VWA8: variants seen among roughly 807,000 people sequenced by gnomAD.
VWA8 encodes the protein von Willebrand factor A domain-containing protein 8.
In VWA8, 221 loss-of-function variants were observed where a neutral mutation model predicts 241.5. That is an observed-to-expected ratio of 0.91 (90% CI 0.82 to 1.02). The LOEUF (loss-of-function observed/expected upper bound fraction) is 1.02, where lower values mean the gene tolerates loss of function less well. Ranked by LOEUF, VWA8 falls within the 50% of genes least tolerant of loss-of-function variation. VWA8 has a pLI of 0.00. For missense variants in VWA8, 2,322 were observed against 2,328.7 expected (o/e 1.00, Z 0.06); for synonymous variants, 852 against 827.1 (o/e 1.03, Z -0.52).
chr13:41,910,191 C>T (rs986295832), intron 3 of VWA8, among the ~76,000 whole-genome samples: 1 of 152,110 alleles, frequency 6.6e-6, no homozygotes, highest in African/African-American at 2.4e-5. Context: ...ATCTCTTAGC[C>T]CTTCTCATTT....
At chr13:41,869,736 G>A (rs1873499384) in intron 9 of VWA8, among the ~76,000 whole-genome samples, 2 of 149,296 alleles carry the variant, frequency 1.3e-5, no homozygotes, top group African/African-American at 4.9e-5. Context: ...ATTCCAGCTA[G>A]CTATATCAAA....
chr13:41,684,111 T>A (rs1593695281), intron 35 of VWA8, among the ~76,000 whole-genome samples: 1 of 152,172 alleles, frequency 6.6e-6, no homozygotes, highest in African/African-American at 2.4e-5. Flanking sequence ...TATACTGTAC[T>A]AGAATTGTCA....
rs776856043 is a variant in VWA8 at position 41,692,933 on chromosome 13, G to T, written c.3604C>A (p.Leu1202Ile). Residue 1202 changes from leucine (L) to isoleucine (I), a missense_variant, in exon 30 of 45, where the codon CTT becomes ATT. Coordinates refer to ENST00000379310, the MANE Select transcript of VWA8 (RefSeq NM_015058.2). ...TCGGAAGGGAGGATGAGACGATGAA[G>T]GGCCCGGCCAGTAGTATCTAACAAC... ...ILLLDTTGRA[L>I]HRLILPSEKF... The T allele has an allele frequency of 6.2e-7, 1 of 1,611,252 alleles. No individual in the cohort carries two copies. Among genetic ancestry groups the T allele is most frequent in the Non-Finnish European group, 8.5e-7 (1 of 1,178,260 alleles).
At chr13:41,866,904 A>AT (rs1211652819) in intron 10 of VWA8, among the ~76,000 whole-genome samples, 1 of 151,866 alleles carries the variant, frequency 6.6e-6, no homozygotes, top group Non-Finnish European at 1.5e-5. Flanking sequence ...TTCTCATTTT[A>AT]TTTTTTGTCT....
intron 9 of VWA8, among the ~76,000 whole-genome samples, chr13:41,871,930 G>A (rs906870924): frequency 5.9e-5 from 9 of 152,144 alleles, no homozygotes; most frequent in Admixed American, 1.3e-4. Flanking sequence ...CAACAGTGTA[G>A]AAGTGTTCCT....
intron 42 of VWA8, among the ~76,000 whole-genome samples, chr13:41,587,252 G>C (rs908685328): frequency 3.3e-5 from 5 of 152,128 alleles, no homozygotes; most frequent in Non-Finnish European, 5.9e-5. Context: ...AGGAGTCTGG[G>C]AACAGACTTT....
chr13:41,649,371 G>A (rs540469027), intron 37 of VWA8, among the ~76,000 whole-genome samples: 6 of 151,950 alleles, frequency 3.9e-5, no homozygotes, highest in South Asian at 4.2e-4. Flanking sequence ...TTTAATAATT[G>A]TAAAATGAAC....
At chr13:41,683,891 C>A (rs17637559) in intron 35 of VWA8, among the ~76,000 whole-genome samples, 11,054 of 152,114 alleles carry the variant, frequency 0.073, 468 homozygotes, top group East Asian at 0.13. Context: ...TGGGTGAATG[C>A]AGGTGCACTA....
intron 12 of VWA8, among the ~76,000 whole-genome samples, chr13:41,860,293 A>G (rs911599157): frequency 1.3e-5 from 2 of 152,232 alleles, no homozygotes; most frequent in African/African-American, 2.4e-5. Context: ...AAATGTGCTT[A>G]GTTTGCTTAT....
chr13:41,590,430 T>C (rs966408163), intron 41 of VWA8, among the ~76,000 whole-genome samples: 1 of 152,156 alleles, frequency 6.6e-6, no homozygotes, highest in Non-Finnish European at 1.5e-5. Flanking sequence ...ATGCCTTATG[T>C]TTCTTGCTGG....
intron 37 of VWA8, among the ~76,000 whole-genome samples, chr13:41,634,850 G>A (rs938231045): frequency 3.3e-5 from 5 of 152,042 alleles, no homozygotes; most frequent in East Asian, 1.9e-4. Flanking sequence ...ATTTTTATAC[G>A]ATTTTATTAA....
At chr13:41,941,820 T>A (rs768235425) in intron 2 of VWA8, among the ~76,000 whole-genome samples, 1 of 152,198 alleles carries the variant, frequency 6.6e-6, no homozygotes, top group Non-Finnish European at 1.5e-5. Flanking sequence ...ATCACCCCTA[T>A]ACAGTCAAGG....
rs368489600 is a variant in VWA8 at position 41,593,375 on chromosome 13, C to T, written c.4987-2610G>A. On this transcript the variant is annotated intron_variant, in intron 40 of 44. Transcript: ENST00000379310. ...ATGTTCTTGGCAAGAATCCCATGAT[C>T]TCTCAGGAAAATGGGTCACTCTGGA... Among the ~76,000 whole-genome samples, 218 of 152,274 alleles carry T rather than the reference C, an allele frequency of 1.4e-3. 1 individual carries two copies. The highest frequency in any genetic ancestry group is 5.0e-3 in the African/African-American group (208 of 41,556).
At chr13:41,748,150 T>C (rs2045624813) in intron 21 of VWA8, among the ~76,000 whole-genome samples, 1 of 152,218 alleles carries the variant, frequency 6.6e-6, no homozygotes, top group Admixed American at 6.5e-5. Flanking sequence ...TTTCTATTGA[T>C]TGGAATCATT....
At chr13:41,888,100 G>A (rs1874634916) in intron 5 of VWA8, among the ~76,000 whole-genome samples, 1 of 152,096 alleles carries the variant, frequency 6.6e-6, no homozygotes, top group Non-Finnish European at 1.5e-5. Context: ...CTTCTTAGTA[G>A]GAAAAATATC....
chr13:41,721,410 TA>T lies in VWA8; in HGVS notation c.2923del (p.Tyr975IlefsTer9), dbSNP rs1304507430. On this transcript the variant is annotated frameshift_variant, in exon 25 of 45. Transcript: ENST00000379310. LOFTEE classifies it high-confidence loss of function. Reference sequence around the variant, plus strand: ...TATGTTGACAACTTCTCTGGTAGAATAAGGATAGTTAATAATCCCTTGGTCA... The same window carrying T: ...TATGTTGACAACTTCTCTGGTAGAATAGGATAGTTAATAATCCCTTGGTCA... ...LADQGIINYP[Y>X]STREVVNIVK... 63 of 1,613,736 alleles carry T rather than the reference TA, an allele frequency of 3.9e-5. No individual in the cohort carries two copies. The highest frequency in any genetic ancestry group is 5.3e-5 in the Non-Finnish European group (62 of 1,179,816).
chr13:41,914,393 A>C (rs1337667888), intron 2 of VWA8, among the ~76,000 whole-genome samples: 1 of 152,216 alleles, frequency 6.6e-6, no homozygotes, highest in African/African-American at 2.4e-5. Flanking sequence ...AACTGGCCTG[A>C]GTCTAGAGAG....
At chr13:41,657,263 G>C (rs1050098258) in intron 37 of VWA8, among the ~76,000 whole-genome samples, 19 of 152,018 alleles carry the variant, frequency 1.2e-4, no homozygotes, top group Non-Finnish European at 2.2e-4. Context: ...CAAGAGGAGA[G>C]AGGCTGGGTC....
chr13:41,570,424 T>C, intron 44 of VWA8, 44 bp downstream of exon 44: 1 of 1,545,562 alleles, frequency 6.5e-7, no homozygotes, highest in Non-Finnish European at 8.9e-7. Context: ...AGCTACTCAG[T>C]ATCTCTGTAC....
Sources: allele counts gnomAD v4.1 joint callset (sites outside exome capture counted in the v4.1 genomes callset), GRCh38; gene constraint gnomAD v4.1.1; transcripts MANE v1.5; gene names NCBI Gene and HGNC (gene_info 2026-07-23, HGNC 2026-07-21).